Variants in RBFOX1 observed in about 807,000 individuals in gnomAD.
The protein encoded by RBFOX1 is RNA binding fox-1 homolog 1.
A neutral mutation model predicts 57.7 loss-of-function variants in RBFOX1; 8 were observed. The ratio of observed to expected loss-of-function variants is 0.14; its 90% CI spans 0.08 to 0.25. RBFOX1 has a LOEUF of 0.25. Ranked by LOEUF, RBFOX1 falls within the 10% of genes least tolerant of loss-of-function variation. The pLI, the probability that RBFOX1 is intolerant of heterozygous loss-of-function variation, is 1.00. For missense variants in RBFOX1, 611 were observed against 548.5 expected, an observed-to-expected ratio of 1.11 and a Z score of -1.14; for synonymous variants, 326 against 222.4, an observed-to-expected ratio of 1.47 and a Z score of -4.15.
At chr16:6,544,220 A>G (rs4786102) in intron 2 of RBFOX1, among the ~76,000 whole-genome samples, 25,474 of 152,178 alleles carry the variant, frequency 0.17, 2,410 homozygotes, top group East Asian at 0.38. Flanking sequence ...TGGTACTTGG[A>G]CCACACTTGG....
intron 5 of RBFOX1, chr16:7,519,541 C>G (rs1210508571): frequency 4.3e-6 from 1 of 233,416 alleles, no homozygotes; most frequent in African/African-American, 2.3e-5. Flanking sequence ...TCAAATATAA[C>G]TCTAAATGAA....
In RBFOX1 at chr16:6,163,053, A is replaced by G. The variant is rs114119128; in HGVS notation, c.-127+143061A>G. ...CTATCCCACAACGTGCTTTTGAGCA[A>G]CAGCAATAACTCCAGACAAAATGAG... On this transcript the variant is annotated intron_variant, in intron 1 of 15. Transcript: ENST00000550418. Among the ~76,000 whole-genome samples, 516 of 152,304 alleles carry G rather than the reference A, an allele frequency of 3.4e-3. 3 individuals are homozygous for G. The highest frequency in any genetic ancestry group is 0.012 in the African/African-American group (491 of 41,560).
At chr16:7,635,110 C>T (rs1004808229) in intron 11 of RBFOX1, among the ~76,000 whole-genome samples, 4 of 152,002 alleles carry the variant, frequency 2.6e-5, no homozygotes, top group Non-Finnish European at 4.4e-5. Context: ...TTGCATATGG[C>T]GAATGCTCAA....
chr16:5,995,026 T>C (rs2060467776), intron 4 of RBFOX1, among the ~76,000 whole-genome samples: 1 of 152,192 alleles, frequency 6.6e-6, no homozygotes, highest in Non-Finnish European at 1.5e-5. Flanking sequence ...GATATTTTTT[T>C]CCCCTTTCCT....
Position 5,629,379 on chromosome 16 carries a change from C to T in RBFOX1, c.318+30418C>T, listed in dbSNP as rs184135636. 6.3e-4 allele frequency among the ~76,000 whole-genome samples: 96 copies of T among 152,290 alleles called. 3 individuals carry two copies. The highest frequency in any genetic ancestry group is 2.0e-3 in the Admixed American group (30 of 15,306). ...CAGCTATAAACCCACACAGCTCTGC[C>T]GTGGTCAACCAGGACTGCCAGTGGT... On this transcript the variant is annotated intron_variant, in intron 3 of 19. Transcript: ENST00000641259.
chr16:7,139,200 G>GTGTGTA (rs1251646539), intron 4 of RBFOX1, among the ~76,000 whole-genome samples: 30 of 151,716 alleles, frequency 2.0e-4, no homozygotes, highest in African/African-American at 7.0e-4. Flanking sequence ...GTGTGTGTAT[G>GTGTGTA]TGTGTGTGTT....
At chr16:6,804,241 C>G (rs551628466) in intron 3 of RBFOX1, among the ~76,000 whole-genome samples, 1 of 151,906 alleles carries the variant, frequency 6.6e-6, no homozygotes, top group African/African-American at 2.4e-5. Context: ...AACTCCTGAC[C>G]TCTTGATCCG....
chr16:6,017,072 T>C (rs2094998481), upstream of RBFOX1, among the ~76,000 whole-genome samples: 1 of 152,194 alleles, frequency 6.6e-6, no homozygotes, highest in African/African-American at 2.4e-5. Flanking sequence ...CTGAACTTGA[T>C]TTTCAGATAG....
intron 1 of RBFOX1, among the ~76,000 whole-genome samples, chr16:5,412,082 G>C (rs1218396906): frequency 6.6e-6 from 1 of 152,046 alleles, no homozygotes; most frequent in African/African-American, 2.4e-5. Flanking sequence ...CCTCCTGAAG[G>C]AGGTAGCCTG....
At chr16:5,773,935 G>A (rs1020489938) in intron 3 of RBFOX1, among the ~76,000 whole-genome samples, 4 of 152,080 alleles carry the variant, frequency 2.6e-5, no homozygotes, top group African/African-American at 9.7e-5. Flanking sequence ...CTCATGATCT[G>A]CCTGCCTCAG....
intron 2 of RBFOX1, among the ~76,000 whole-genome samples, chr16:6,409,611 G>A (rs1004969807): frequency 6.6e-6 from 1 of 152,096 alleles, no homozygotes; most frequent in Non-Finnish European, 1.5e-5. Context: ...AAAATACCCT[G>A]TGAAACTTTT....
chr16:5,891,190 A>G (rs1177796917), intron 4 of RBFOX1, among the ~76,000 whole-genome samples: 1 of 141,912 alleles, frequency 7.0e-6, no homozygotes, highest in Non-Finnish European at 1.6e-5. Flanking sequence ...CAGAAAGTGT[A>G]AACCCCCTCC....
chr16:7,359,023 G>T (rs541863692), intron 4 of RBFOX1, among the ~76,000 whole-genome samples: 25 of 152,270 alleles, frequency 1.6e-4, no homozygotes, highest in African/African-American at 6.0e-4. Context: ...TGAGTTCTTT[G>T]CTGCCTCCAC....
At chr16:5,406,446 G>A (rs2066869904) in intron 1 of RBFOX1, among the ~76,000 whole-genome samples, 1 of 152,152 alleles carries the variant, frequency 6.6e-6, no homozygotes, top group South Asian at 2.1e-4. Flanking sequence ...AGACTAGGAT[G>A]TATCCCATTG....
chr16:5,957,523 C>A (rs371667860), intron 4 of RBFOX1, among the ~76,000 whole-genome samples: 1 of 152,180 alleles, frequency 6.6e-6, no homozygotes, highest in Non-Finnish European at 1.5e-5. Context: ...CCTTGCCCAG[C>A]CATAATTTCT....
At chr16:5,509,741 C>T (rs561149240) in intron 2 of RBFOX1, among the ~76,000 whole-genome samples, 45 of 152,200 alleles carry the variant, frequency 3.0e-4, no homozygotes, top group East Asian at 2.3e-3. Flanking sequence ...CAGGCGTGGA[C>T]GTTAAGGCCA....
chr16:5,721,864 G>C lies in RBFOX1; in HGVS notation c.318+122903G>C, dbSNP rs539560605. On this transcript the variant is annotated intron_variant, in intron 3 of 19. Transcript: ENST00000641259. ...CTCAGTGCTAAACCGGTCCCAGACA[G>C]AGGACCAAGCACAAGATTCACTGCT... 2.6e-5 allele frequency among the ~76,000 whole-genome samples: 4 copies of C among 152,350 alleles called. No homozygotes were observed. The East Asian group carries it at 7.7e-4, about 29-fold the overall frequency.
chr16:7,007,329 C>T (rs1356503229), intron 3 of RBFOX1, among the ~76,000 whole-genome samples: 1 of 152,188 alleles, frequency 6.6e-6, no homozygotes, highest in South Asian at 2.1e-4. Flanking sequence ...CTTGAAATCT[C>T]ATTGACTTCT....
chr16:7,232,579 T>A (rs1208299496), intron 4 of RBFOX1, among the ~76,000 whole-genome samples: 3 of 152,126 alleles, frequency 2.0e-5, no homozygotes, highest in African/African-American at 7.2e-5. Context: ...AAGCGGCTCA[T>A]GCCTGTAATC....
Sources: gnomAD v4.1 joint callset for allele counts (sites outside exome capture counted in the v4.1 genomes callset) on GRCh38, gnomAD v4.1.1 for gene constraint, MANE v1.5 for transcripts, NCBI Gene and HGNC (gene_info 2026-07-23, HGNC 2026-07-21) for gene names.